The following PLEKHG1 variants were observed in gnomAD, a reference collection of about 807,000 sequenced individuals.
PLEKHG1 encodes the protein pleckstrin homology domain-containing family G member 1.
A neutral mutation model predicts 100.8 loss-of-function variants in PLEKHG1; 44 were observed. That is an observed-to-expected ratio of 0.44 (90% CI 0.34 to 0.56). The LOEUF (loss-of-function observed/expected upper bound fraction) is 0.56. Among genes scored for constraint, PLEKHG1 ranks in the 20% least tolerant of loss-of-function variants. PLEKHG1 has a pLI of 0.01. For synonymous variants in PLEKHG1, 640 were observed against 662.5 expected (o/e 0.97, Z 0.52); for missense variants, 1,545 against 1,720.9 (o/e 0.90, Z 1.81).
intron 3 of PLEKHG1, among the ~76,000 whole-genome samples, chr6:150,769,164 T>C (rs1784589588): frequency 2.0e-5 from 3 of 152,162 alleles, no homozygotes; most frequent in Admixed American, 6.5e-5. Flanking sequence ...TTCAATTGAA[T>C]TGATAATTTT....
intron 2 of PLEKHG1, among the ~76,000 whole-genome samples, chr6:150,742,491 G>C (rs1024233032): frequency 6.9e-6 from 1 of 144,538 alleles, no homozygotes; most frequent in Non-Finnish European, 1.5e-5. Context: ...GTTGAACCTG[G>C]GAGGCAGAGG....
rs184610746 is a variant in PLEKHG1, at chr6:150,836,346, C to T, written c.3095-3487C>T. 3.7e-3 allele frequency among the ~76,000 whole-genome samples: 569 copies of T among 152,150 alleles called. 5 individuals carry two copies. The highest frequency in any genetic ancestry group is 0.017 in the Middle Eastern group (5 of 294). ...AGAGCCGAGATTGCGCCACTGCATTCCAGCCTGGGCAACAGAGTGAGACTC... is the reference window on the plus strand; with the variant it reads ...AGAGCCGAGATTGCGCCACTGCATTTCAGCCTGGGCAACAGAGTGAGACTC... On this transcript the variant is annotated intron_variant, in intron 15 of 15. Coordinates refer to ENST00000358517, the Ensembl canonical transcript of PLEKHG1.
At position 150,789,990 on chromosome 6, in the gene PLEKHG1, A is replaced by G. The variant is rs544877976; in HGVS notation, c.582+3531A>G. On this transcript the variant is annotated intron_variant, in intron 4 of 15. Transcript: ENST00000358517. ...TGCAGGCCCAGGGCTGGTGGGTCTTATACTTCTTCAGGAGAAGCTAGAAAT... is the reference window on the plus strand; with the variant it reads ...TGCAGGCCCAGGGCTGGTGGGTCTTGTACTTCTTCAGGAGAAGCTAGAAAT... 3.3e-5 allele frequency among the ~76,000 whole-genome samples: 5 copies of G among 152,124 alleles called. No homozygotes were observed. In the South Asian group the frequency reaches 1.0e-3, roughly 32 times the overall value.
upstream of PLEKHG1, among the ~76,000 whole-genome samples, chr6:150,716,885 T>C (rs950549465): frequency 2.0e-5 from 3 of 152,156 alleles, no homozygotes; most frequent in Admixed American, 2.0e-4. Context: ...AGGCTCTTGC[T>C]CTGTCACCCA....
chr6:150,666,183 T>C (rs941925074), intron 3 of PLEKHG1, among the ~76,000 whole-genome samples: 4 of 152,236 alleles, frequency 2.6e-5, no homozygotes, highest in African/African-American at 9.6e-5. Context: ...TGCAGCTTCC[T>C]GGACAAAATG....
chr6:150,767,913 G>A (rs1369843813), intron 2 of PLEKHG1, among the ~76,000 whole-genome samples: 1 of 152,130 alleles, frequency 6.6e-6, no homozygotes, highest in Non-Finnish European at 1.5e-5. Context: ...GTCTTGCTAG[G>A]GAAAGGGGAA....
chr6:150,655,724 A>AG (rs1301359470), intron 3 of PLEKHG1, among the ~76,000 whole-genome samples: 1 of 151,352 alleles, frequency 6.6e-6, no homozygotes, highest in Non-Finnish European at 1.5e-5. Flanking sequence ...AAAAAAAAAA[A>AG]AAAAAAGAAA....
At chr6:150,733,333 T>C (rs1240811116) in intron 1 of PLEKHG1, among the ~76,000 whole-genome samples, 1 of 152,194 alleles carries the variant, frequency 6.6e-6, no homozygotes, top group Non-Finnish European at 1.5e-5. Flanking sequence ...TGGGATTTTA[T>C]TAAAGTGCAC....
chr6:150,808,700 C>T (rs1787292890), intron 7 of PLEKHG1, among the ~76,000 whole-genome samples: 1 of 152,018 alleles, frequency 6.6e-6, no homozygotes, highest in South Asian at 2.1e-4. Flanking sequence ...TGCAGTGAGC[C>T]CTGATCGCGC....
At chr6:150,733,502 G>A in intron 1 of PLEKHG1, 82 bp from the exon 3 acceptor site, 1 of 1,228,554 alleles carries the variant, frequency 8.1e-7, no homozygotes, top group African/African-American at 1.5e-5. Context: ...GTATTTATTT[G>A]AGCTAGGTTT....
chr6:150,725,776 T>C (rs531294568), intron 1 of PLEKHG1, among the ~76,000 whole-genome samples: 1 of 152,132 alleles, frequency 6.6e-6, no homozygotes, highest in East Asian at 1.9e-4. Flanking sequence ...TCTTTTTTTT[T>C]CTTAGAGGCT....
At chr6:150,727,177 A>C (rs1377664886) in intron 1 of PLEKHG1, among the ~76,000 whole-genome samples, 1 of 152,178 alleles carries the variant, frequency 6.6e-6, no homozygotes, top group Admixed American at 6.5e-5. Flanking sequence ...AACTCAGACT[A>C]GGTATTTGAT....
rs574463338 is a variant in PLEKHG1 at position 150,757,961 on chromosome 6, C to CAA, written c.412-10677_412-10676insAA. Among the ~76,000 whole-genome samples, 1,124 of 152,224 alleles carry CAA rather than the reference C, an allele frequency of 7.4e-3. 12 individuals are homozygous for CAA. The highest frequency in any genetic ancestry group is 0.026 in the African/African-American group (1,065 of 41,524). The stretch of plus-strand genomic sequence containing the variant: ...GAACATTTGCTGTTTGGTTTTCTGT[C>CAA]CCTGAGTTAGGTTGCTGAGGATAAC... On this transcript the variant is annotated intron_variant, in intron 2 of 15. Coordinates refer to ENST00000358517, the Ensembl canonical transcript of PLEKHG1.
chr6:150,645,367 A>G (rs965602226), intron 2 of PLEKHG1, among the ~76,000 whole-genome samples: 4 of 152,250 alleles, frequency 2.6e-5, no homozygotes, highest in African/African-American at 9.6e-5. Flanking sequence ...TAAAAGAAAT[A>G]TATAAGAATA....
At chr6:150,819,976 G>A (rs761513004) in intron 12 of PLEKHG1, among the ~76,000 whole-genome samples, 4 of 152,094 alleles carry the variant, frequency 2.6e-5, no homozygotes, top group East Asian at 1.9e-4. Context: ...TTGGGAGGCC[G>A]AGGCAGGTGG....
chr6:150,826,868 A>G (rs1246868433), intron 14 of PLEKHG1, among the ~76,000 whole-genome samples: 1 of 151,920 alleles, frequency 6.6e-6, no homozygotes, highest in Non-Finnish European at 1.5e-5. Context: ...TAAACTCCTT[A>G]ACTCAAGTGA....
At position 150,819,674 on chromosome 6, in the gene PLEKHG1, T is replaced by C; in HGVS notation, c.1313-5T>C. 6.3e-7 allele frequency: 1 copy of C among 1,589,818 alleles called. No homozygotes were observed. Among genetic ancestry groups the C allele is most frequent in the Non-Finnish European group, 8.6e-7 (1 of 1,157,786 alleles). On this transcript the variant is annotated splice_region_variant and splice_polypyrimidine_tract_variant and intron_variant, in intron 11 of 15. Coordinates refer to ENST00000358517, the Ensembl canonical transcript of PLEKHG1. The stretch of plus-strand genomic sequence containing the variant: ...TCCCACTGATGCACGTGGTTATCTT[T>C]ACAGATCATCCAGGCTTCTGTTACA...
intron 3 of PLEKHG1, among the ~76,000 whole-genome samples, chr6:150,714,681 A>G (rs2128605872): frequency 6.6e-6 from 1 of 152,294 alleles, no homozygotes; most frequent in South Asian, 2.1e-4. Flanking sequence ...CCTGGTAACT[A>G]TTTAGTATTT....
intron 3 of PLEKHG1, among the ~76,000 whole-genome samples, chr6:150,784,159 G>A (rs146430169): frequency 2.7e-4 from 41 of 152,274 alleles, no homozygotes; most frequent in African/African-American, 9.6e-4. Context: ...GACCACACTT[G>A]GAGAACTGCT....
Sources: allele counts gnomAD v4.1 joint callset (sites outside exome capture counted in the v4.1 genomes callset), GRCh38; gene constraint gnomAD v4.1.1; transcripts MANE v1.5; gene names NCBI Gene and HGNC (gene_info 2026-07-23, HGNC 2026-07-21).